DAB1: variants seen among roughly 807,000 people sequenced by gnomAD.
DAB1 encodes DAB adaptor protein 1, also known as disabled homolog 1.
A neutral mutation model predicts 64.6 loss-of-function variants in DAB1; 15 were observed. That is an observed-to-expected ratio of 0.23 (90% confidence interval 0.16 to 0.36). DAB1 has a LOEUF of 0.36. Ranked by LOEUF, DAB1 falls within the 10% of genes least tolerant of loss-of-function variation. The probability of loss-of-function intolerance (pLI) is 1.00; values close to 1 mark genes in which losing one functional copy is unlikely to be tolerated. For synonymous variants in DAB1, 235 were observed against 251.9 expected, an observed-to-expected ratio of 0.93 and a Z score of 0.64; for missense variants, 596 against 706.7, an observed-to-expected ratio of 0.84 and a Z score of 1.78.
intron 7 of DAB1, among the ~76,000 whole-genome samples, chr1:57,604,938 G>A (rs1645619037): frequency 6.6e-6 from 1 of 151,742 alleles, no homozygotes; most frequent in Admixed American, 6.6e-5. Flanking sequence ...CTTGTATCTT[G>A]GTGGCTTGGA....
intron 3 of DAB1, among the ~76,000 whole-genome samples, chr1:58,492,030 G>T (rs568602047): frequency 6.6e-6 from 1 of 152,232 alleles, no homozygotes; most frequent in East Asian, 1.9e-4. Flanking sequence ...GCACTCCTCA[G>T]CAAATTAAAA....
intron 2 of DAB1, among the ~76,000 whole-genome samples, chr1:58,512,424 C>G (rs1388768658): frequency 2.6e-5 from 4 of 152,174 alleles, no homozygotes; most frequent in Admixed American, 1.3e-4. Context: ...GAGTTGAAAT[C>G]AGGATCTCAA....
intron 10 of DAB1, among the ~76,000 whole-genome samples, chr1:57,025,663 G>T (rs1013369695): frequency 4.6e-5 from 7 of 152,200 alleles, no homozygotes; most frequent in Admixed American, 2.0e-4. Flanking sequence ...TTGTAGTCAG[G>T]AAGCACATCT....
chr1:58,151,219 G>A (rs531279037), intron 4 of DAB1, among the ~76,000 whole-genome samples: 1 of 152,316 alleles, frequency 6.6e-6, no homozygotes, highest in South Asian at 2.1e-4. Context: ...GTAATGGGAT[G>A]GCTGGGTCAA....
chr1:57,491,585 G>A (rs1217437346), intron 7 of DAB1, among the ~76,000 whole-genome samples: 1 of 152,180 alleles, frequency 6.6e-6, no homozygotes, highest in Non-Finnish European at 1.5e-5. Context: ...CAAAATGTGG[G>A]AAAAGCAAAT....
chr1:57,718,079 G>A (rs965291045), intron 6 of DAB1, among the ~76,000 whole-genome samples: 4 of 152,004 alleles, frequency 2.6e-5, no homozygotes, highest in African/African-American at 9.7e-5. Context: ...AGGTTCTTGT[G>A]TTCTATTACA....
intron 1 of DAB1, among the ~76,000 whole-genome samples, chr1:57,376,610 T>TACA (rs1269168942): frequency 6.6e-6 from 1 of 152,192 alleles, no homozygotes; most frequent in African/African-American, 2.4e-5. Context: ...ACATGTTTGT[T>TACA]TCCAGCTACC....
intron 3 of DAB1, among the ~76,000 whole-genome samples, chr1:58,374,673 G>C (rs1289794518): frequency 7.4e-6 from 1 of 135,838 alleles, no homozygotes; most frequent in Non-Finnish European, 1.6e-5. Context: ...GCTCTTTTTT[G>C]GTTCCATATG....
intron 6 of DAB1, among the ~76,000 whole-genome samples, chr1:57,757,198 A>ATTTTTTTTTT (rs375166170): frequency 2.2e-5 from 2 of 90,090 alleles, no homozygotes; most frequent in African/African-American, 3.0e-5. Context: ...CAGGGGCAGA[A>ATTTTTTTTTT]TTTTTTTTTT....
chr1:58,319,959 G>A (rs955203386), intron 4 of DAB1, among the ~76,000 whole-genome samples: 1 of 152,088 alleles, frequency 6.6e-6, no homozygotes, highest in African/African-American at 2.4e-5. Context: ...ATAGAGAGCG[G>A]GTCACAGAAG....
chr1:57,248,546 G>A (rs746010780), intron 2 of DAB1, among the ~76,000 whole-genome samples: 13 of 152,066 alleles, frequency 8.5e-5, no homozygotes, highest in African/African-American at 2.4e-4. Flanking sequence ...AACAAGTGCC[G>A]GTGCTGAAAA....
At chr1:57,208,487 A>G (rs1447793579) in intron 2 of DAB1, among the ~76,000 whole-genome samples, 2 of 152,170 alleles carry the variant, frequency 1.3e-5, no homozygotes, top group African/African-American at 4.8e-5. Flanking sequence ...AGCCTTTCAG[A>G]CCACCTCACC....
chr1:58,498,722 T>G (rs1410946006), intron 3 of DAB1, among the ~76,000 whole-genome samples: 2 of 152,210 alleles, frequency 1.3e-5, no homozygotes, highest in Non-Finnish European at 2.9e-5. Flanking sequence ...TATTACAGTT[T>G]CCCTCATTAA....
At chr1:58,223,354 G>T (rs577101899) in intron 4 of DAB1, among the ~76,000 whole-genome samples, 3 of 152,164 alleles carry the variant, frequency 2.0e-5, no homozygotes, top group Non-Finnish European at 4.4e-5. Context: ...AGGACCAAAG[G>T]TATAATTGAG....
intron 1 of DAB1, among the ~76,000 whole-genome samples, chr1:57,327,591 AAG>A (rs1422983169): frequency 2.0e-5 from 3 of 152,178 alleles, no homozygotes; most frequent in Admixed American, 2.0e-4. Flanking sequence ...TCAGGAAAAA[AAG>A]AGGTTAAGAG....
chr1:57,108,131 C>T (rs1466211590), intron 4 of DAB1, among the ~76,000 whole-genome samples: 1 of 152,110 alleles, frequency 6.6e-6, no homozygotes, highest in Non-Finnish European at 1.5e-5. Context: ...CTGACAGCCT[C>T]TCCAATCAAG....
At chr1:58,511,656 C>T (rs11207246) in intron 2 of DAB1, among the ~76,000 whole-genome samples, 22,982 of 151,850 alleles carry the variant, frequency 0.15, 1,820 homozygotes, top group Middle Eastern at 0.23. Flanking sequence ...CACACACAAA[C>T]CCCACAATGA....
At chr1:57,365,838 C>T (rs1050391065) in intron 1 of DAB1, among the ~76,000 whole-genome samples, 2 of 152,160 alleles carry the variant, frequency 1.3e-5, no homozygotes, top group Non-Finnish European at 2.9e-5. Context: ...ACCCTAACAT[C>T]CTGACACCTT....
At chr1:58,409,061 C>T (rs1644643172) in intron 3 of DAB1, among the ~76,000 whole-genome samples, 1 of 152,146 alleles carries the variant, frequency 6.6e-6, no homozygotes, top group East Asian at 1.9e-4. Flanking sequence ...AGAAAGAAAA[C>T]GTTTTTCTCA....
Sources: gnomAD v4.1 joint callset for allele counts (sites outside exome capture counted in the v4.1 genomes callset) on GRCh38, gnomAD v4.1.1 for gene constraint, MANE v1.5 for transcripts, NCBI Gene and HGNC (gene_info 2026-07-23, HGNC 2026-07-21) for gene names.